GPC5: variants seen among roughly 807,000 people sequenced by gnomAD.
GPC5 encodes glypican-5.
In GPC5, 47 loss-of-function variants were observed where a neutral mutation model predicts 53.9. That is an observed-to-expected ratio of 0.87 (90% CI 0.69 to 1.11). The LOEUF (loss-of-function observed/expected upper bound fraction) is 1.11, where lower values mean the gene tolerates loss of function less well. GPC5 is among the 50% of genes most tolerant of loss of function. The pLI is 0.00. For synonymous variants in GPC5, 286 were observed against 263.3 expected, an observed-to-expected ratio of 1.09 and a Z score of -0.84; for missense variants, 748 against 713.1, an observed-to-expected ratio of 1.05 and a Z score of -0.56.
At chr13:91,544,010 G>A (rs1420518175) in intron 2 of GPC5, among the ~76,000 whole-genome samples, 1 of 151,728 alleles carries the variant, frequency 6.6e-6, no homozygotes, top group African/African-American at 2.4e-5. Flanking sequence ...AAATTTTCCT[G>A]CCTGAATCCC....
In GPC5 at chr13:92,802,194, T is replaced by C. The variant is rs553037856; in HGVS notation, c.1562-64088T>C. Among the ~76,000 whole-genome samples the C allele has an allele frequency of 1.5e-3, 234 of 151,914 alleles. 3 individuals carry two copies. The highest frequency in any genetic ancestry group is 2.5e-3 in the Non-Finnish European group (168 of 67,864). On this transcript the variant is annotated intron_variant, in intron 7 of 7. Coordinates refer to ENST00000377067, the MANE Select transcript of GPC5 (RefSeq NM_004466.6). ...TATTTAGATGCAAAAATACTTACCATTGCGTTACAATTGCCTACAGTATTC... is the reference window on the plus strand; with the variant it reads ...TATTTAGATGCAAAAATACTTACCACTGCGTTACAATTGCCTACAGTATTC...
At chr13:92,264,156 A>G (rs1408527344) in intron 7 of GPC5, among the ~76,000 whole-genome samples, 3 of 152,036 alleles carry the variant, frequency 2.0e-5, no homozygotes, top group African/African-American at 7.2e-5. Flanking sequence ...AGTACTATCA[A>G]CCCTATGATA....
chr13:91,671,780 C>CCAAA (rs2035249718), intron 2 of GPC5, among the ~76,000 whole-genome samples: 10 of 33,128 alleles, frequency 3.0e-4, no homozygotes, highest in Non-Finnish European at 4.6e-4. Flanking sequence ...CAATCTGAAG[C>CCAAA]AAAAAAAAAA....
chr13:92,357,972 C>T (rs949536154), intron 7 of GPC5, among the ~76,000 whole-genome samples: 21 of 151,620 alleles, frequency 1.4e-4, no homozygotes, highest in Admixed American at 6.6e-5. Context: ...CTCTTCTCAA[C>T]AGTCCCCTGA....
At chr13:91,468,870 T>C (rs1882418965) in intron 2 of GPC5, among the ~76,000 whole-genome samples, 1 of 132,752 alleles carries the variant, frequency 7.5e-6, no homozygotes, top group Admixed American at 8.4e-5. Context: ...GCTAAGATAA[T>C]GGTCTTTTTT....
intron 5 of GPC5, among the ~76,000 whole-genome samples, chr13:91,768,659 T>C (rs2037567578): frequency 6.6e-6 from 1 of 152,216 alleles, no homozygotes; most frequent in African/African-American, 2.4e-5. Context: ...CTAGACCTTT[T>C]TAGTTATATT....
At chr13:91,941,229 C>A (rs1424521630) in intron 6 of GPC5, among the ~76,000 whole-genome samples, 4 of 152,038 alleles carry the variant, frequency 2.6e-5, no homozygotes, top group African/African-American at 9.7e-5. Flanking sequence ...TGTACTACTA[C>A]CATGCTGTTT....
intron 7 of GPC5, among the ~76,000 whole-genome samples, chr13:92,813,606 A>T: frequency 6.6e-6 from 1 of 152,022 alleles, no homozygotes; most frequent in Admixed American, 6.5e-5. Flanking sequence ...TGTGTTTGGG[A>T]ATATGAAAGA....
At chr13:92,174,999 G>A (rs566782605) in intron 7 of GPC5, among the ~76,000 whole-genome samples, 11 of 152,176 alleles carry the variant, frequency 7.2e-5, no homozygotes, top group South Asian at 2.1e-4. Context: ...ACAGGGATGC[G>A]CCACCACGTC....
chr13:92,708,692 G>A (rs1888030342), intron 7 of GPC5, among the ~76,000 whole-genome samples: 1 of 151,062 alleles, frequency 6.6e-6, no homozygotes, highest in African/African-American at 2.5e-5. Flanking sequence ...GAGAAGAGAT[G>A]TTATTAGAGA....
In GPC5 at chr13:92,007,711, T is replaced by A. The variant is rs146278594; in HGVS notation, c.1401+99654T>A. Among the ~76,000 whole-genome samples, 238 of 152,310 alleles carry A rather than the reference T, an allele frequency of 1.6e-3. 1 individual carries two copies. Among genetic ancestry groups the A allele is most frequent in the African/African-American group, 5.4e-3 (223 of 41,576 alleles). ...TAGTGTAATTATTAATATAGTTTGATTTGAAATTATAGTTCTCCTACTTGC... is the reference window on the plus strand; with the variant it reads ...TAGTGTAATTATTAATATAGTTTGAATTGAAATTATAGTTCTCCTACTTGC... On this transcript the variant is annotated intron_variant, in intron 6 of 7. Transcript: ENST00000377067.
chr13:91,539,552 C>T (rs1249159873), intron 2 of GPC5, among the ~76,000 whole-genome samples: 1 of 152,170 alleles, frequency 6.6e-6, no homozygotes, highest in East Asian at 1.9e-4. Flanking sequence ...AATCTCCTGT[C>T]TGCTCTATGA....
At chr13:91,448,479 C>T (rs948240324) in intron 1 of GPC5, among the ~76,000 whole-genome samples, 6 of 152,088 alleles carry the variant, frequency 3.9e-5, no homozygotes, top group Admixed American at 6.6e-5. Flanking sequence ...CTTGATTGAG[C>T]GCTGTACTTC....
chr13:91,624,386 C>T (rs1222279213), intron 2 of GPC5, among the ~76,000 whole-genome samples: 1 of 152,066 alleles, frequency 6.6e-6, no homozygotes, highest in Admixed American at 6.6e-5. Flanking sequence ...CACCAAACAG[C>T]ATAGCTGCCA....
chr13:92,623,165 C>CAA (rs200412340), intron 7 of GPC5, among the ~76,000 whole-genome samples: 9 of 125,752 alleles, frequency 7.2e-5, no homozygotes, highest in African/African-American at 2.5e-4. Context: ...GATTCTATCT[C>CAA]AAAAAAAAAA....
At chr13:91,588,821 A>G (rs2032693117) in intron 2 of GPC5, among the ~76,000 whole-genome samples, 1 of 152,068 alleles carries the variant, frequency 6.6e-6, no homozygotes, top group Non-Finnish European at 1.5e-5. Flanking sequence ...TTTCCAGCCT[A>G]TAAAATTGTT....
chr13:91,869,154 GGTTCAA>G (rs1175447245), intron 5 of GPC5, among the ~76,000 whole-genome samples: 1 of 152,026 alleles, frequency 6.6e-6, no homozygotes, highest in African/African-American at 2.4e-5. Flanking sequence ...CTGCCCCCTG[GGTTCAA>G]GTGATTCTCC....
intron 7 of GPC5, among the ~76,000 whole-genome samples, chr13:92,547,539 T>A (rs935069329): frequency 6.6e-6 from 1 of 152,136 alleles, no homozygotes; most frequent in African/African-American, 2.4e-5. Flanking sequence ...AGCAGAATTT[T>A]AAAGGAATTA....
At chr13:92,729,806 A>G (rs1888752439) in intron 7 of GPC5, among the ~76,000 whole-genome samples, 1 of 145,960 alleles carries the variant, frequency 6.9e-6, no homozygotes, top group African/African-American at 2.5e-5. Flanking sequence ...CCACAAATCA[A>G]TTTATTCCAG....
Sources: gnomAD v4.1 joint callset for allele counts (sites outside exome capture counted in the v4.1 genomes callset) on GRCh38, gnomAD v4.1.1 for gene constraint, MANE v1.5 for transcripts, NCBI Gene and HGNC (gene_info 2026-07-23, HGNC 2026-07-21) for gene names.